ERICH1: variants seen among roughly 807,000 people sequenced by gnomAD.
ERICH1 encodes glutamate-rich protein 1.
A neutral mutation model predicts 39.6 loss-of-function variants in ERICH1; 56 were observed. That is an observed-to-expected ratio of 1.41 (90% CI 1.14 to 1.77). ERICH1 has a LOEUF of 1.77. Among genes scored for constraint, ERICH1 ranks in the 40% most tolerant of loss-of-function variants. The probability of loss-of-function intolerance (pLI) is 0.00; values close to 1 mark genes in which losing one functional copy is unlikely to be tolerated. For synonymous variants in ERICH1, 313 were observed against 223.6 expected (o/e 1.40, Z -3.57); for missense variants, 826 against 575.4 (o/e 1.44, Z -4.45).
At chr8:709,459 C>T (rs905566209) in intron 2 of ERICH1, among the ~76,000 whole-genome samples, 5 of 152,240 alleles carry the variant, frequency 3.3e-5, no homozygotes, top group Admixed American at 2.6e-4. Context: ...CACCTGGACA[C>T]GGCTCCAACT....
intron 3 of ERICH1, among the ~76,000 whole-genome samples, chr8:634,032 G>A (rs1418909761): frequency 6.6e-6 from 1 of 152,118 alleles, no homozygotes; most frequent in Non-Finnish European, 1.5e-5. Context: ...CAGCGGGACT[G>A]CGTGGAAACA....
At chr8:724,153 C>T (rs1163023574) in intron 1 of ERICH1, among the ~76,000 whole-genome samples, 1 of 152,102 alleles carries the variant, frequency 6.6e-6, no homozygotes, top group East Asian at 1.9e-4. Flanking sequence ...GGGATCCTCA[C>T]GTAGGAGGTG....
rs1362169128 is a variant in ERICH1 at position 644,571 on chromosome 8, G to A, written c.976+24027C>T. Among the ~76,000 whole-genome samples, 4 of 68,514 alleles carry A rather than the reference G, an allele frequency of 5.8e-5. 2 individuals carry two copies. Among genetic ancestry groups the A allele is most frequent in the African/African-American group, 1.5e-4 (4 of 27,188 alleles). The allele number at this position is 68,514 out of a possible 152,430, so 44.9% of individuals were successfully genotyped here. On this transcript the variant is annotated intron_variant, in intron 3 of 3. Coordinates refer to the ERICH1 transcript ENST00000522706. Reference sequence around the variant, plus strand: ...CTAATGAGAACGTAATGTGATACAAGGCTAACCTCAAGCTATAGACGTAGA... The same window carrying A: ...CTAATGAGAACGTAATGTGATACAAAGCTAACCTCAAGCTATAGACGTAGA...
At chr8:715,755 G>A (rs919678966) in intron 2 of ERICH1, 106 bp downstream of exon 2, 35 of 1,468,144 alleles carry the variant, frequency 2.4e-5, no homozygotes, top group Non-Finnish European at 2.9e-5. Flanking sequence ...CTGCAGACCT[G>A]CAGACAGATG....
intron 2 of ERICH1, among the ~76,000 whole-genome samples, chr8:714,698 G>C (rs13253233): frequency 2.1e-4 from 5 of 23,898 alleles, no homozygotes; most frequent in Non-Finnish European, 3.5e-4. Context: ...GGCCTCTTCC[G>C]GCATCTCTCG....
In ERICH1 at chr8:616,950, GAGACAGAGACACAC is replaced by G. The variant is rs1796954829; in HGVS notation, c.977-1680_977-1667del. On this transcript the variant is annotated intron_variant, in intron 3 of 3. Transcript: ENST00000522706. ...AGAGACAGAGAGAGAGAGGGAGAGG[GAGACAGAGACACAC>G]AGAGAGAGAGAGAGAGAGACATTGG... 1.6e-4 allele frequency among the ~76,000 whole-genome samples: 5 copies of G among 31,750 alleles called. 1 individual carries two copies. Among genetic ancestry groups the G allele is most frequent in the African/African-American group, 1.3e-3 (5 of 3,762 alleles). The allele number at this position is 31,750 out of a possible 152,430, so 20.8% of individuals were successfully genotyped here. A position where few individuals can be genotyped will look rare whatever the true frequency, so the allele number is the denominator to read the frequency against.
intron 3 of ERICH1, among the ~76,000 whole-genome samples, chr8:647,564 G>C (rs1799541823): frequency 1.5e-5 from 1 of 67,856 alleles, no homozygotes; most frequent in Admixed American, 1.2e-4. Flanking sequence ...AGGAAACAGT[G>C]AGTAACACTG....
At chr8:615,655 T>C (rs1796866325) in intron 3 of ERICH1, 1 of 178,508 alleles carries the variant, frequency 5.6e-6, no homozygotes. Context: ...ATCAACTTAA[T>C]GGACTGTCCT....
intron 3 of ERICH1, among the ~76,000 whole-genome samples, chr8:686,459 A>G (rs76716310): frequency 1.5e-5 from 1 of 64,652 alleles, no homozygotes; most frequent in Non-Finnish European, 4.0e-5. Context: ...AAAAAAAAAA[A>G]AAAAAACAAA....
At position 673,155 on chromosome 8, in the gene ERICH1, AG is replaced by A. The variant is rs1328211739; in HGVS notation, c.1063+133del. 5.3e-5 allele frequency: 58 copies of A among 1,084,950 alleles called. No homozygotes were observed. The South Asian group carries it at 9.5e-4, about 18-fold the overall frequency. 67.2% of individuals were successfully genotyped at this position (1,084,950 alleles called of 1,614,324 possible). On this transcript the variant is annotated intron_variant, in intron 4 of 5. Transcript: ENST00000262109. ...ACATTGAATATTTTTTACTTATATT[AG>A]TTGCCTTACAACTAATTATTTTACA...
chr8:630,828 A>T (rs71514175), intron 3 of ERICH1, among the ~76,000 whole-genome samples: 45 of 121,186 alleles, frequency 3.7e-4, no homozygotes, highest in South Asian at 2.1e-3. Flanking sequence ...CAGAGCTGAC[A>T]CACACCCTCC....
chr8:629,471 CCA>C (rs1342516132), intron 3 of ERICH1, among the ~76,000 whole-genome samples: 2 of 145,544 alleles, frequency 1.4e-5, no homozygotes, highest in African/African-American at 2.6e-5. Context: ...CCGTGACCAC[CCA>C]CACAGACAGA....
chr8:720,267 G>A (rs750365350), intron 1 of ERICH1, among the ~76,000 whole-genome samples: 40 of 152,250 alleles, frequency 2.6e-4, no homozygotes, highest in African/African-American at 7.5e-4. Context: ...GAGGAAGGAC[G>A]AGGAAACACA....
intron 1 of ERICH1, among the ~76,000 whole-genome samples, chr8:726,107 CAG>C (rs1177586964): frequency 1.3e-5 from 2 of 152,310 alleles, no homozygotes; most frequent in East Asian, 3.9e-4. Flanking sequence ...TCGGCCCCAA[CAG>C]AGTCACCAGG....
intron 3 of ERICH1, among the ~76,000 whole-genome samples, chr8:688,132 C>T (rs1173018190): frequency 1.3e-5 from 2 of 152,210 alleles, no homozygotes; most frequent in African/African-American, 2.4e-5. Flanking sequence ...GAGGGAGGGT[C>T]TGCAACCCAG....
intron 3 of ERICH1, among the ~76,000 whole-genome samples, chr8:620,541 T>G (rs1797220236): frequency 6.6e-6 from 1 of 152,158 alleles, no homozygotes; most frequent in Non-Finnish European, 1.5e-5. Context: ...GAAAAAGTAT[T>G]CATATTCTGT....
At position 623,513 on chromosome 8, in the gene ERICH1, G is replaced by C. The variant is rs1450275277; in HGVS notation, c.977-8229C>G. On this transcript the variant is annotated intron_variant, in intron 3 of 3. Transcript: ENST00000522706. ...TTTTTGTTTTTTCCAGGTTTATTGA[G>C]GTATCAATGATAAAAATTGTATATA... Among the ~76,000 whole-genome samples, 6 of 152,202 alleles carry C rather than the reference G, an allele frequency of 3.9e-5. No individual in the cohort carries two copies. The East Asian group carries it at 9.6e-4, about 24-fold the overall frequency.
At position 674,007 on chromosome 8, in the gene ERICH1, C is replaced by T; in HGVS notation, c.345G>A (p.Arg115=). The T allele has an allele frequency of 1.9e-6, 3 of 1,573,862 alleles. No homozygotes were observed. The highest frequency in any genetic ancestry group is 2.0e-5 in the Admixed American group (1 of 50,480). The part of the protein sequence containing the change: ...PHDQPKRRRI[R]KHKSKKKFKN... ...TAAATTTTTTCTTTGATTTATGCTT[C>T]CTAATTCTTCTTCTCTTTGGCTGGT... Residue 115 remains arginine (R), a synonymous_variant, in exon 4 of 6, where the codon AGG becomes AGA. Coordinates refer to ENST00000262109, the MANE Select transcript of ERICH1 (RefSeq NM_207332.3).
rs190428417 is a variant in ERICH1 at position 664,232 on chromosome 8, G to C, written c.*371C>G. On this transcript the variant is annotated 3_prime_UTR_variant, in exon 6 of 6. Transcript: ENST00000262109. ...ACTAGAACATTTTAATACCCAGAAA[G>C]CATTCTTAAAGCAGAGACTTTCAGA... 7.5e-5 allele frequency: 75 copies of C among 994,096 alleles called. 1 individual carries two copies. In the African/African-American group the frequency reaches 1.2e-3, roughly 16 times the overall value. 61.6% of individuals were successfully genotyped at this position (994,096 alleles called of 1,614,324 possible).
Sources: allele counts gnomAD v4.1 joint callset (sites outside exome capture counted in the v4.1 genomes callset), GRCh38; gene constraint gnomAD v4.1.1; transcripts MANE v1.5; gene names NCBI Gene and HGNC (gene_info 2026-07-23, HGNC 2026-07-21).